The following RELCH variants were observed in gnomAD, a reference collection of about 807,000 sequenced individuals.
RELCH encodes the protein RAB11-binding protein RELCH.
Under a neutral mutation model 150.3 loss-of-function variants are expected in RELCH, and 41 were observed. The ratio of observed to expected loss-of-function variants is 0.27; its 90% CI spans 0.21 to 0.35. The LOEUF is 0.35. Ranked by LOEUF, RELCH falls within the 10% of genes least tolerant of loss-of-function variation. The pLI is 1.00. For synonymous variants in RELCH, 478 were observed against 531.8 expected, an observed-to-expected ratio of 0.90 and a Z score of 1.39; for missense variants, 1,092 against 1,467.8, an observed-to-expected ratio of 0.74 and a Z score of 4.18.
chr18:62,263,941 C>T lies in RELCH; in HGVS notation c.2351-48C>T, dbSNP rs766182854. The T allele has an allele frequency of 3.9e-6, 6 of 1,537,448 alleles. No homozygotes were observed. In the African/African-American group the frequency reaches 5.6e-5, roughly 14 times the overall value. On this transcript the variant is annotated intron_variant, in intron 16 of 28. Transcript: ENST00000644646. ...TCCTTTCAACAGAATATCTAAGTTCCCAAAATGCCAATTTCCATATGATTT... is the reference window on the plus strand; with the variant it reads ...TCCTTTCAACAGAATATCTAAGTTCTCAAAATGCCAATTTCCATATGATTT...
intron 22 of RELCH, among the ~76,000 whole-genome samples, chr18:62,277,130 A>C (rs2044254346): frequency 6.6e-6 from 1 of 152,062 alleles, no homozygotes; most frequent in Non-Finnish European, 1.5e-5. Context: ...AAAATAAGTA[A>C]ATAGAATGAA....
intron 12 of RELCH, chr18:62,254,617 CG>C (rs1306812255): frequency 6.6e-6 from 1 of 152,014 alleles, no homozygotes; most frequent in East Asian, 1.9e-4. Flanking sequence ...ACTTGGATAT[CG>C]GGGATCTATC....
rs769121749 is a variant in RELCH at position 62,227,267 on chromosome 18, A to T, written c.859-22A>T. On this transcript the variant is annotated intron_variant, in intron 5 of 28. Coordinates refer to ENST00000644646, the MANE Select transcript of RELCH (RefSeq NM_001346231.2). ...GATAAAATTTCCTCGAAGATTTTTTATGTTTTTTTTTTATCTTTTAGGATT... is the reference window on the plus strand; with the variant it reads ...GATAAAATTTCCTCGAAGATTTTTTTTGTTTTTTTTTTATCTTTTAGGATT... 1 of 1,436,214 alleles carries T rather than the reference A, an allele frequency of 7.0e-7. No individual in the cohort carries two copies. Among genetic ancestry groups the T allele is most frequent in the Non-Finnish European group, 9.5e-7 (1 of 1,047,292 alleles). 89.0% of individuals were successfully genotyped at this position (1,436,214 alleles called of 1,614,324 possible). A position where few individuals can be genotyped will look rare whatever the true frequency, so the allele number is the denominator to read the frequency against.
At chr18:62,228,675 T>C in intron 8 of RELCH, 77 bp downstream of exon 8, 1 of 1,103,170 alleles carries the variant, frequency 9.1e-7, no homozygotes, top group Non-Finnish European at 1.3e-6. Flanking sequence ...CTACTGTTTT[T>C]ATTTAAACCG....
intron 23 of RELCH, chr18:62,280,400 G>A (rs776242855): frequency 1.7e-5 from 28 of 1,613,960 alleles, no homozygotes; most frequent in African/African-American, 5.3e-5. Context: ...GTTGACAAGC[G>A]GGTTGCTCCG....
At chr18:62,242,411 G>A (rs145174251) in intron 10 of RELCH, among the ~76,000 whole-genome samples, 128 of 152,198 alleles carry the variant, frequency 8.4e-4, no homozygotes, top group Non-Finnish European at 1.5e-3. Context: ...GTGTTGAAAC[G>A]GCTTTTTTAG....
chr18:62,211,214 T>C lies in RELCH; in HGVS notation c.588T>C (p.Gly196=). The C allele has an allele frequency of 6.2e-7, 1 of 1,609,248 alleles. No individual in the cohort carries two copies. Among genetic ancestry groups the C allele is most frequent in the Non-Finnish European group, 8.5e-7 (1 of 1,175,970 alleles). The change falls in exon 2 of 29, where the codon GGT becomes GGC. Residue 196 remains glycine, a synonymous_variant. Coordinates refer to ENST00000644646, the MANE Select transcript of RELCH (RefSeq NM_001346231.2). ...ACTTTGCAAGATATTCAGATGATGG[T>C]AACAGGGAAACAGATGAAAAAGTGG... The part of the protein sequence containing the change: ...SLDFARYSDD[G]NRETDEKVAV...
intron 21 of RELCH, among the ~76,000 whole-genome samples, 159 bp from the exon 22 acceptor site, chr18:62,275,215 G>A (rs1600194303): frequency 2.6e-5 from 4 of 152,194 alleles, no homozygotes; most frequent in African/African-American, 9.6e-5. Flanking sequence ...GCGCCTAGCC[G>A]AGAATCTTAG....
chr18:62,207,822 A>G (rs1385301617), intron 1 of RELCH, among the ~76,000 whole-genome samples: 1 of 152,128 alleles, frequency 6.6e-6, no homozygotes, highest in Non-Finnish European at 1.5e-5. Context: ...ACCAGTCACT[A>G]CCCATTCTCC....
intron 8 of RELCH, among the ~76,000 whole-genome samples, chr18:62,229,654 A>G (rs964217329): frequency 2.6e-5 from 4 of 151,980 alleles, no homozygotes; most frequent in African/African-American, 4.8e-5. Flanking sequence ...AATAAGTCCA[A>G]CTTGCTTTGG....
rs68067609 is a variant in RELCH, at chr18:62,253,267, TTGTGTGTG to T, written c.1824+551_1824+558del. ...TATACTTGAAGAAACAGCAAGAAGA[TTGTGTGTG>T]TGTGTGTGTGTGTGTGTGTGTGTGT... On this transcript the variant is annotated intron_variant, in intron 12 of 28. Transcript: ENST00000644646. Among the ~76,000 whole-genome samples, 432 of 136,546 alleles carry T rather than the reference TTGTGTGTG, an allele frequency of 3.2e-3. 2 individuals carry two copies. Among genetic ancestry groups the T allele is most frequent in the African/African-American group, 9.2e-3 (350 of 37,926 alleles). 89.6% of individuals were successfully genotyped at this position (136,546 alleles called of 152,430 possible).
chr18:62,193,186 G>T (rs1025382850), intron 1 of RELCH, among the ~76,000 whole-genome samples: 22 of 152,226 alleles, frequency 1.4e-4, no homozygotes, highest in African/African-American at 5.3e-4. Context: ...TTGTTGGTGT[G>T]TAGGAATCCC....
chr18:62,239,580 G>T (rs1225996657), intron 10 of RELCH, among the ~76,000 whole-genome samples: 1 of 151,488 alleles, frequency 6.6e-6, no homozygotes, highest in African/African-American at 2.4e-5. Flanking sequence ...GGCTTTTTTT[G>T]AAAACTCCTA....
chr18:62,263,790 G>T lies in RELCH; in HGVS notation c.2351-199G>T, dbSNP rs140411094. On this transcript the variant is annotated intron_variant, in intron 16 of 28. Transcript: ENST00000644646. Reference sequence around the variant, plus strand: ...GGAATAAAATCTTTTGAGATTTGTTGGATTTGTTCTCATATCACAGGAATT... The same window carrying T: ...GGAATAAAATCTTTTGAGATTTGTTTGATTTGTTCTCATATCACAGGAATT... Among the ~76,000 whole-genome samples, 3,418 of 151,776 alleles carry T rather than the reference G, an allele frequency of 0.023. 39 individuals carry two copies. The highest frequency in any genetic ancestry group is 0.068 in the Middle Eastern group (20 of 294).
chr18:62,285,138 TG>T (rs1254994851), intron 25 of RELCH, among the ~76,000 whole-genome samples: 1 of 151,454 alleles, frequency 6.6e-6, no homozygotes, highest in Non-Finnish European at 1.5e-5. Flanking sequence ...TTTGTTTGTT[TG>T]TTTGTTTGTT....
intron 1 of RELCH, among the ~76,000 whole-genome samples, chr18:62,201,769 C>A (rs1909094839): frequency 6.6e-6 from 1 of 152,060 alleles, no homozygotes; most frequent in African/African-American, 2.4e-5. Context: ...TTTGCTATTC[C>A]TGTCAGTGAC....
At chr18:62,242,861 A>G (rs570597432) in intron 10 of RELCH, among the ~76,000 whole-genome samples, 2 of 152,152 alleles carry the variant, frequency 1.3e-5, no homozygotes, top group African/African-American at 4.8e-5. Context: ...TGTGTTTGCA[A>G]TTATAGCAGC....
At chr18:62,245,385 A>T (rs775270670) in intron 11 of RELCH, among the ~76,000 whole-genome samples, 5 of 152,244 alleles carry the variant, frequency 3.3e-5, no homozygotes, top group Non-Finnish European at 2.9e-5. Flanking sequence ...GGACTTTGGG[A>T]GGCGGAGGCA....
chr18:62,299,658 A>G (rs2045580044), intron 28 of RELCH, among the ~76,000 whole-genome samples: 1 of 152,214 alleles, frequency 6.6e-6, no homozygotes, highest in Non-Finnish European at 1.5e-5. Context: ...AGAGGATTAA[A>G]ACAATAGACA....
Sources: allele counts gnomAD v4.1 joint callset (sites outside exome capture counted in the v4.1 genomes callset), GRCh38; gene constraint gnomAD v4.1.1; transcripts MANE v1.5; gene names NCBI Gene and HGNC (gene_info 2026-07-23, HGNC 2026-07-21).